GMDS: variants seen among roughly 807,000 people sequenced by gnomAD.
GMDS encodes the protein GDP-mannose 4,6-dehydratase, also known as GDP-mannose 4,6 dehydratase.
In GMDS, 20 loss-of-function variants were observed where a neutral mutation model predicts 49.9. The ratio of observed to expected loss-of-function variants is 0.40; its 90% CI spans 0.28 to 0.58. The LOEUF (loss-of-function observed/expected upper bound fraction) is 0.58, where lower values mean the gene tolerates loss of function less well. Ranked by LOEUF, GMDS falls within the 20% of genes least tolerant of loss-of-function variation. The pLI, the probability that GMDS is intolerant of heterozygous loss-of-function variation, is 0.42. For missense variants in GMDS, 362 were observed against 481.4 expected, an observed-to-expected ratio of 0.75 and a Z score of 2.32; for synonymous variants, 177 against 178.6, an observed-to-expected ratio of 0.99 and a Z score of 0.07.
chr6:1,679,997 G>T (rs573544853), intron 9 of GMDS: 1 of 152,318 alleles, frequency 6.6e-6, no homozygotes, highest in South Asian at 2.1e-4. Context: ...GTTCTTGGAT[G>T]TCACAGCCTG....
chr6:2,085,806 C>T lies in GMDS; in HGVS notation c.345+29965G>A, dbSNP rs556241441. On this transcript the variant is annotated intron_variant, in intron 4 of 10. Coordinates refer to ENST00000380815, the MANE Select transcript of GMDS (RefSeq NM_001500.4). ...GCTTCCCAAAGTGCTGGATTACAGGCGTGAGTCACCACACCTGGCCAACCA... is the reference window on the plus strand; with the variant it reads ...GCTTCCCAAAGTGCTGGATTACAGGTGTGAGTCACCACACCTGGCCAACCA... 3.3e-5 allele frequency among the ~76,000 whole-genome samples: 5 copies of T among 152,246 alleles called. No individual in the cohort carries two copies. The South Asian group carries it at 8.3e-4, about 25-fold the overall frequency.
chr6:1,661,708 G>A (rs557181937), intron 9 of GMDS, among the ~76,000 whole-genome samples: 546 of 152,326 alleles, frequency 3.6e-3, no homozygotes, highest in African/African-American at 0.013. Context: ...ACCCAAAAGA[G>A]TTAGTAAGAG....
intron 7 of GMDS, among the ~76,000 whole-genome samples, chr6:1,776,884 T>C (rs906276148): frequency 1.3e-5 from 2 of 152,070 alleles, no homozygotes; most frequent in Non-Finnish European, 2.9e-5. Flanking sequence ...AGACTGACAC[T>C]CTTCTCCCCC....
intron 6 of GMDS, among the ~76,000 whole-genome samples, chr6:1,935,542 T>C (rs1363288752): frequency 6.6e-6 from 1 of 152,170 alleles, no homozygotes; most frequent in Admixed American, 6.5e-5. Context: ...GATGACTACA[T>C]CTCTTAATTC....
At chr6:1,999,911 T>TTA in intron 4 of GMDS, among the ~76,000 whole-genome samples, 3 of 102,288 alleles carry the variant, frequency 2.9e-5, no homozygotes, top group Non-Finnish European at 5.6e-5. Flanking sequence ...ATAATATATA[T>TTA]ATTATATACA....
intron 7 of GMDS, among the ~76,000 whole-genome samples, chr6:1,855,435 G>A (rs990449655): frequency 6.6e-6 from 1 of 152,172 alleles, no homozygotes; most frequent in Non-Finnish European, 1.5e-5. Context: ...GTCTGGCCAA[G>A]GATTTTTCAG....
At chr6:1,677,842 T>C (rs945144026) in intron 9 of GMDS, among the ~76,000 whole-genome samples, 6 of 151,190 alleles carry the variant, frequency 4.0e-5, no homozygotes, top group African/African-American at 1.5e-4. Flanking sequence ...ATATACCTAA[T>C]GTAAATGACG....
chr6:1,947,541 G>A (rs994263042), intron 6 of GMDS, among the ~76,000 whole-genome samples: 1 of 152,174 alleles, frequency 6.6e-6, no homozygotes, highest in Non-Finnish European at 1.5e-5. Flanking sequence ...CCGCACTGAT[G>A]TTCACTTCCT....
rs373648806 is a variant in GMDS, at chr6:1,624,166, T to C, written c.*3A>G. ...GAGGGCGGGCCGGGCTCCGAGGCGC[T>C]GCTCAGGCATTGGGGTTTGTCCTCA... On this transcript the variant is annotated 3_prime_UTR_variant, in exon 11 of 11. Coordinates refer to ENST00000380815, the MANE Select transcript of GMDS (RefSeq NM_001500.4). 1.5e-5 allele frequency: 24 copies of C among 1,608,392 alleles called. No individual in the cohort carries two copies. The African/African-American group carries it at 3.1e-4, about 21-fold the overall frequency.
chr6:1,730,476 C>G (rs977842345), intron 8 of GMDS, among the ~76,000 whole-genome samples: 1 of 152,200 alleles, frequency 6.6e-6, no homozygotes, highest in Non-Finnish European at 1.5e-5. Flanking sequence ...GATTGCAAAT[C>G]TCCATAGGCA....
chr6:2,155,107 T>G (rs1205077021), intron 1 of GMDS, among the ~76,000 whole-genome samples: 1 of 152,110 alleles, frequency 6.6e-6, no homozygotes, highest in African/African-American at 2.4e-5. Flanking sequence ...CACAAATACT[T>G]GATAAATGTC....
intron 6 of GMDS, among the ~76,000 whole-genome samples, chr6:1,959,420 G>A (rs537886836): frequency 7.9e-5 from 12 of 152,130 alleles, no homozygotes; most frequent in African/African-American, 2.2e-4. Flanking sequence ...ATTTCTGGAC[G>A]TCTATTTAAT....
chr6:2,185,941 A>G (rs946463707), intron 1 of GMDS, among the ~76,000 whole-genome samples: 4 of 152,220 alleles, frequency 2.6e-5, no homozygotes, highest in Non-Finnish European at 4.4e-5. Context: ...CCATTTTACA[A>G]ATGAGAAAAC....
In GMDS at chr6:1,854,885, A is replaced by C. The variant is rs143473351; in HGVS notation, c.771+75218T>G. Among the ~76,000 whole-genome samples the C allele has an allele frequency of 1.0e-3, 152 of 152,360 alleles. 3 individuals carry two copies. The Middle Eastern group carries it at 0.014, about 14-fold the overall frequency. On this transcript the variant is annotated intron_variant, in intron 7 of 10. Coordinates refer to ENST00000380815, the MANE Select transcript of GMDS (RefSeq NM_001500.4). ...ACTCTAAAGCACAGAGATAATTAGT[A>C]AATGGAATGAAAAAGAAGATGAGAA...
At chr6:1,972,001 C>CTTT (rs1356732105) in intron 4 of GMDS, among the ~76,000 whole-genome samples, 1 of 152,094 alleles carries the variant, frequency 6.6e-6, no homozygotes, top group Non-Finnish European at 1.5e-5. Context: ...CGAAGAACAG[C>CTTT]TGCCCCAGCA....
At chr6:2,155,023 T>C (rs1429972878) in intron 1 of GMDS, among the ~76,000 whole-genome samples, 1 of 152,100 alleles carries the variant, frequency 6.6e-6, no homozygotes, top group Non-Finnish European at 1.5e-5. Context: ...TGATAACTCT[T>C]TCACAACATT....
intron 9 of GMDS, among the ~76,000 whole-genome samples, chr6:1,683,767 G>A (rs1438540833): frequency 6.6e-6 from 1 of 152,194 alleles, no homozygotes; most frequent in African/African-American, 2.4e-5. Context: ...TTCATAACTC[G>A]TGAGATGAAG....
chr6:1,687,190 CA>C (rs377382958), intron 9 of GMDS, among the ~76,000 whole-genome samples: 74 of 152,248 alleles, frequency 4.9e-4, no homozygotes, highest in African/African-American at 1.8e-3. Context: ...TTCTCACTGA[CA>C]AAAAACTCCC....
chr6:2,111,046 C>T (rs1774517263), intron 4 of GMDS, among the ~76,000 whole-genome samples: 1 of 152,208 alleles, frequency 6.6e-6, no homozygotes, highest in Admixed American at 6.5e-5. Context: ...ACTAGGTTCA[C>T]TGTAGAAAGA....
Sources: allele counts gnomAD v4.1 joint callset (sites outside exome capture counted in the v4.1 genomes callset), GRCh38; gene constraint gnomAD v4.1.1; transcripts MANE v1.5; gene names NCBI Gene and HGNC (gene_info 2026-07-23, HGNC 2026-07-21).